The following TRPM3 variants were observed in gnomAD, a reference collection of about 807,000 sequenced individuals.
TRPM3 encodes the protein transient receptor potential cation channel subfamily M member 3, also known as long transient receptor potential channel 3.
In TRPM3, 77 loss-of-function variants were observed where a neutral mutation model predicts 181.2. The observed-to-expected ratio is 0.42, with a 90% confidence interval of 0.35 to 0.51. The LOEUF (loss-of-function observed/expected upper bound fraction) is 0.51, where lower values mean the gene tolerates loss of function less well. Among genes scored for constraint, TRPM3 ranks in the 20% least tolerant of loss-of-function variants. The pLI is 0.01. For missense variants in TRPM3, 1,759 were observed against 2,196.7 expected, an observed-to-expected ratio of 0.80 and a Z score of 3.98; for synonymous variants, 745 against 796.4, an observed-to-expected ratio of 0.94 and a Z score of 1.09.
intron 9 of TRPM3, among the ~76,000 whole-genome samples, chr9:70,671,508 T>G (rs1349279749): frequency 6.6e-6 from 1 of 150,398 alleles, no homozygotes; most frequent in Admixed American, 6.6e-5. Flanking sequence ...ACAAAACCAT[T>G]AAAATTAAAA....
At chr9:70,594,061 A>G (rs966380104) in intron 21 of TRPM3, among the ~76,000 whole-genome samples, 36 of 150,016 alleles carry the variant, frequency 2.4e-4, no homozygotes, top group African/African-American at 7.5e-4. Context: ...CTACATGGAA[A>G]AAAACTCACA....
intron 1 of TRPM3, among the ~76,000 whole-genome samples, chr9:70,914,066 A>G (rs943640914): frequency 2.0e-5 from 3 of 152,232 alleles, no homozygotes; most frequent in Non-Finnish European, 4.4e-5. Context: ...TTCAAAATTC[A>G]TATGTTGAAA....
chr9:70,606,111 G>A (rs1324986240), intron 19 of TRPM3, among the ~76,000 whole-genome samples: 6 of 152,148 alleles, frequency 3.9e-5, no homozygotes, highest in African/African-American at 9.7e-5. Flanking sequence ...CTTTTGTAAT[G>A]TTAACCTGCC....
upstream of TRPM3, among the ~76,000 whole-genome samples, chr9:71,124,077 C>G (rs2073887400): frequency 6.6e-6 from 1 of 152,050 alleles, no homozygotes; most frequent in Non-Finnish European, 1.5e-5. Flanking sequence ...AAGCACAAAA[C>G]CTTCAGGGAA....
chr9:70,638,815 G>C (rs1050816008), intron 11 of TRPM3, among the ~76,000 whole-genome samples: 1 of 152,156 alleles, frequency 6.6e-6, no homozygotes, highest in Non-Finnish European at 1.5e-5. Flanking sequence ...ATAAGAATAT[G>C]AGAATGATAC....
At chr9:70,913,375 C>T (rs1245766084) in intron 1 of TRPM3, among the ~76,000 whole-genome samples, 1 of 152,144 alleles carries the variant, frequency 6.6e-6, no homozygotes, top group African/African-American at 2.4e-5. Context: ...GTAGTGACCT[C>T]TTTTTCATTG....
At chr9:71,028,922 A>G (rs2056935362) in intron 1 of TRPM3, among the ~76,000 whole-genome samples, 1 of 152,210 alleles carries the variant, frequency 6.6e-6, no homozygotes. Context: ...CACTAAACCA[A>G]ATAGACCTGA....
intron 1 of TRPM3, among the ~76,000 whole-genome samples, chr9:71,114,863 T>G (rs2071964658): frequency 6.6e-6 from 1 of 152,180 alleles, no homozygotes; most frequent in African/African-American, 2.4e-5. Flanking sequence ...TTCACAACCA[T>G]ATCTCCATCT....
At chr9:71,240,920 T>C (rs2081627808) in intron 1 of TRPM3, among the ~76,000 whole-genome samples, 1 of 152,176 alleles carries the variant, frequency 6.6e-6, no homozygotes. Context: ...AAATTTTTTA[T>C]GTTAAAAATT....
At chr9:70,786,419 AG>A (rs1331352549) in intron 6 of TRPM3, among the ~76,000 whole-genome samples, 14 of 151,146 alleles carry the variant, frequency 9.3e-5, no homozygotes, top group Non-Finnish European at 1.9e-4. Context: ...CGGGAGGCAG[AG>A]GCTGTAGTGA....
intron 3 of TRPM3, among the ~76,000 whole-genome samples, chr9:70,853,796 T>A (rs2095310206): frequency 6.6e-6 from 1 of 152,232 alleles, no homozygotes; most frequent in Non-Finnish European, 1.5e-5. Context: ...CTCTTGAGAA[T>A]AAAAGATAAG....
intron 1 of TRPM3, among the ~76,000 whole-genome samples, chr9:70,995,372 T>C (rs12554003): frequency 0.066 from 10,065 of 152,270 alleles, 507 homozygotes; most frequent in African/African-American, 0.13. Context: ...ATGGATTACT[T>C]ACTGCTTTTA....
intron 9 of TRPM3, among the ~76,000 whole-genome samples, chr9:70,667,278 T>C (rs1247722000): frequency 6.6e-6 from 1 of 152,138 alleles, no homozygotes; most frequent in Non-Finnish European, 1.5e-5. Flanking sequence ...TTGGGCTTCT[T>C]ATCTGGGAAA....
chr9:71,198,014 C>T (rs1395399595), intron 1 of TRPM3, among the ~76,000 whole-genome samples: 22 of 150,892 alleles, frequency 1.5e-4, no homozygotes, highest in African/African-American at 3.7e-4. Context: ...GGTCTAACGT[C>T]TAAGTCTTTA....
chr9:71,249,391 T>C (rs1463322402), intron 1 of TRPM3, among the ~76,000 whole-genome samples: 1 of 152,146 alleles, frequency 6.6e-6, no homozygotes, highest in Non-Finnish European at 1.5e-5. Context: ...TCAGAGGAAG[T>C]TACATAAGCA....
intron 1 of TRPM3, among the ~76,000 whole-genome samples, chr9:71,402,980 C>G (rs902563400): frequency 6.6e-6 from 1 of 152,152 alleles, no homozygotes; most frequent in Admixed American, 6.6e-5. Context: ...AGACAAGATA[C>G]AATCCTTGTT....
intron 1 of TRPM3, among the ~76,000 whole-genome samples, chr9:71,329,019 G>C (rs914084717): frequency 1.3e-5 from 2 of 152,188 alleles, no homozygotes; most frequent in Non-Finnish European, 2.9e-5. Context: ...CAAGGAAGTT[G>C]ACCTTCCTGA....
intron 1 of TRPM3, among the ~76,000 whole-genome samples, chr9:70,949,890 C>T (rs2096979093): frequency 1.3e-5 from 2 of 152,092 alleles, no homozygotes; most frequent in African/African-American, 4.8e-5. Flanking sequence ...ATGGGATTCA[C>T]TGCCTGGACA....
chr9:70,840,158 T>C (rs1415614562), intron 5 of TRPM3, among the ~76,000 whole-genome samples: 2 of 152,180 alleles, frequency 1.3e-5, no homozygotes, highest in African/African-American at 2.4e-5. Flanking sequence ...ATAAATCCTG[T>C]ACACCAAAAA....
Sources: allele counts gnomAD v4.1 joint callset (sites outside exome capture counted in the v4.1 genomes callset), GRCh38; gene constraint gnomAD v4.1.1; transcripts MANE v1.5; gene names NCBI Gene and HGNC (gene_info 2026-07-23, HGNC 2026-07-21).